RCAN1: variants seen among roughly 807,000 people sequenced by gnomAD.
The protein encoded by RCAN1 is calcipressin-1.
Under a neutral mutation model 22.9 loss-of-function variants are expected in RCAN1, and 11 were observed. The ratio of observed to expected loss-of-function variants is 0.48; its 90% CI spans 0.30 to 0.79. The LOEUF is 0.79. Ranked by LOEUF, RCAN1 falls within the 30% of genes least tolerant of loss-of-function variation. The probability of loss-of-function intolerance (pLI) is 0.06; values close to 1 mark genes in which losing one functional copy is unlikely to be tolerated. For synonymous variants in RCAN1, 136 were observed against 142.3 expected (o/e 0.96, Z 0.32); for missense variants, 291 against 337.8 (o/e 0.86, Z 1.09).
intron 1 of RCAN1, among the ~76,000 whole-genome samples, chr21:34,589,387 T>C (rs1278319236): frequency 6.6e-6 from 1 of 152,232 alleles, no homozygotes; most frequent in Non-Finnish European, 1.5e-5. Context: ...ATCTTACTAC[T>C]ATCTTTACAG....
chr21:34,600,348 G>A (rs1234033142), intron 1 of RCAN1, among the ~76,000 whole-genome samples: 3 of 152,186 alleles, frequency 2.0e-5, no homozygotes, highest in Non-Finnish European at 4.4e-5. Flanking sequence ...GTAAGATACG[G>A]CAAAGAATGA....
chr21:34,535,479 T>G (rs1213263596), intron 1 of RCAN1, among the ~76,000 whole-genome samples: 4 of 151,786 alleles, frequency 2.6e-5, no homozygotes, highest in African/African-American at 4.8e-5. Context: ...GTTCTGCAAC[T>G]ACAGAGAATG....
At chr21:34,579,049 T>A (rs1987512586) in intron 1 of RCAN1, among the ~76,000 whole-genome samples, 2 of 152,118 alleles carry the variant, frequency 1.3e-5, no homozygotes, top group Admixed American at 1.3e-4. Context: ...GTGGGGTCCC[T>A]CAAAGGTTTT....
At position 34,516,751 on chromosome 21, in the gene RCAN1, A is replaced by C. The variant is rs1411501619; in HGVS notation, c.*1333T>G. The C allele has an allele frequency of 6.6e-6, 1 of 152,292 alleles. No homozygotes were observed. The highest frequency in any genetic ancestry group is 1.5e-5 in the Non-Finnish European group (1 of 68,052). 9.4% of individuals were successfully genotyped at this position (152,292 alleles called of 1,614,324 possible). A position where few individuals can be genotyped will look rare whatever the true frequency, so the allele number is the denominator to read the frequency against. On this transcript the variant is annotated 3_prime_UTR_variant, in exon 4 of 4. Coordinates refer to ENST00000313806, the MANE Select transcript of RCAN1 (RefSeq NM_004414.7). ...AAACCATCTTCCAAATTTCCAAAGC[A>C]TGCATTGTTACTTGGCATTAAGTAT...
intron 1 of RCAN1, among the ~76,000 whole-genome samples, chr21:34,538,207 T>C (rs1279687532): frequency 6.6e-6 from 1 of 152,216 alleles, no homozygotes; most frequent in African/African-American, 2.4e-5. Context: ...GAGGTCCAGG[T>C]GTTTTCAGAG....
rs1984058953 is a variant in RCAN1, at chr21:34,516,618, G to A, written c.*1466C>T. 1 of 152,172 alleles carries A rather than the reference G, an allele frequency of 6.6e-6. No individual in the cohort carries two copies. Among genetic ancestry groups the A allele is most frequent in the Admixed American group, 6.5e-5 (1 of 15,278 alleles). The allele number at this position is 152,172 out of a possible 1,614,324, so 9.4% of individuals were successfully genotyped here. On this transcript the variant is annotated 3_prime_UTR_variant, in exon 4 of 4. Coordinates refer to ENST00000313806, the MANE Select transcript of RCAN1 (RefSeq NM_004414.7). The stretch of plus-strand genomic sequence containing the variant: ...GCGATGCAATGGTCTCTCCCAAACC[G>A]GCTCCCTCTTACCAAGTACCGTAAA...
intron 1 of RCAN1, among the ~76,000 whole-genome samples, chr21:34,552,104 G>A (rs1986391330): frequency 6.6e-6 from 1 of 152,178 alleles, no homozygotes; most frequent in Non-Finnish European, 1.5e-5. Context: ...ATATGATGTA[G>A]AGAGGTTTGA....
intron 1 of RCAN1, among the ~76,000 whole-genome samples, chr21:34,545,520 G>T (rs1986098943): frequency 6.6e-6 from 1 of 152,206 alleles, no homozygotes; most frequent in African/African-American, 2.4e-5. Context: ...AAATAGATGT[G>T]ACCCCCAGTA....
intron 1 of RCAN1, among the ~76,000 whole-genome samples, chr21:34,585,941 A>G (rs1987779030): frequency 6.6e-6 from 1 of 152,116 alleles, no homozygotes; most frequent in Admixed American, 6.6e-5. Context: ...ATTACTAGCA[A>G]AAAAGATGGA....
intron 1 of RCAN1, among the ~76,000 whole-genome samples, chr21:34,527,624 T>C (rs1985146453): frequency 6.6e-6 from 1 of 152,150 alleles, no homozygotes; most frequent in African/African-American, 2.4e-5. Flanking sequence ...AGGCAAAGGA[T>C]ACAAAAACAC....
intron 1 of RCAN1, among the ~76,000 whole-genome samples, chr21:34,563,770 A>AAAAAATAT (rs1555863394): frequency 7.6e-5 from 5 of 65,468 alleles, no homozygotes; most frequent in African/African-American, 2.1e-4. Context: ...AAAAAAAAAA[A>AAAAAATAT]ATATATATAT....
At chr21:34,538,004 A>G (rs1183464983) in intron 1 of RCAN1, among the ~76,000 whole-genome samples, 1 of 152,254 alleles carries the variant, frequency 6.6e-6, no homozygotes, top group Non-Finnish European at 1.5e-5. Flanking sequence ...ATTCTGCTCA[A>G]ACATAAACCA....
At chr21:34,562,265 TGG>T (rs1174713932) in intron 1 of RCAN1, among the ~76,000 whole-genome samples, 2 of 152,228 alleles carry the variant, frequency 1.3e-5, no homozygotes, top group Non-Finnish European at 2.9e-5. Context: ...TGACATCTTT[TGG>T]TACATTCTTA....
At chr21:34,607,949 C>G (rs912853960) in intron 1 of RCAN1, among the ~76,000 whole-genome samples, 1 of 152,128 alleles carries the variant, frequency 6.6e-6, no homozygotes, top group Non-Finnish European at 1.5e-5. Flanking sequence ...GCAGCAGAGT[C>G]CCATAGGAGC....
intron 1 of RCAN1, chr21:34,525,131 G>A: frequency 3.2e-6 from 5 of 1,550,602 alleles, no homozygotes; most frequent in Admixed American, 2.0e-5. Context: ...CAGTGGGAGC[G>A]AGGATTCAGG....
intron 1 of RCAN1, among the ~76,000 whole-genome samples, chr21:34,571,328 A>G (rs1185464853): frequency 6.6e-6 from 1 of 152,238 alleles, no homozygotes; most frequent in Admixed American, 6.5e-5. Context: ...AAATAAATGT[A>G]ACATGTTTAA....
intron 1 of RCAN1, among the ~76,000 whole-genome samples, chr21:34,557,796 A>T (rs1986635932): frequency 6.6e-6 from 1 of 152,240 alleles, no homozygotes; most frequent in Non-Finnish European, 1.5e-5. Context: ...GATGAGAAAT[A>T]GCAGCGATCC....
intron 1 of RCAN1, among the ~76,000 whole-genome samples, chr21:34,551,295 A>T (rs1330914523): frequency 6.6e-6 from 1 of 152,240 alleles, no homozygotes; most frequent in Non-Finnish European, 1.5e-5. Flanking sequence ...TGGAAAAGTC[A>T]CAGATATTTA....
At chr21:34,519,616 C>T (rs533309979) in intron 3 of RCAN1, among the ~76,000 whole-genome samples, 1 of 152,152 alleles carries the variant, frequency 6.6e-6, no homozygotes, top group African/African-American at 2.4e-5. Flanking sequence ...CCAGGATGGT[C>T]TTGATCTCCT....
Sources: gnomAD v4.1 joint callset for allele counts (sites outside exome capture counted in the v4.1 genomes callset) on GRCh38, gnomAD v4.1.1 for gene constraint, MANE v1.5 for transcripts, NCBI Gene and HGNC (gene_info 2026-07-23, HGNC 2026-07-21) for gene names.